The following NFYC variants were observed in gnomAD, a reference collection of about 807,000 sequenced individuals.
NFYC encodes CAAT box DNA-binding protein subunit C.
NFYC carries 25 observed loss-of-function variants against 53.1 expected under a neutral mutation model. That is an observed-to-expected ratio of 0.47 (90% CI 0.34 to 0.66). NFYC has a LOEUF of 0.66. Among genes scored for constraint, NFYC ranks in the 30% least tolerant of loss-of-function variants. NFYC has a pLI of 0.01. For missense variants in NFYC, 260 were observed against 422.7 expected (o/e 0.62, Z 3.38); for synonymous variants, 145 against 152.6 (o/e 0.95, Z 0.37).
At chr1:40,724,004 T>G (rs1216783611) in intron 1 of NFYC, among the ~76,000 whole-genome samples, 2 of 152,132 alleles carry the variant, frequency 1.3e-5, no homozygotes, top group African/African-American at 4.8e-5. Context: ...GGGCCAGATA[T>G]TTTAGGCTTT....
chr1:40,732,680 T>C (rs1344713451), intron 1 of NFYC, among the ~76,000 whole-genome samples: 1 of 152,218 alleles, frequency 6.6e-6, no homozygotes, highest in Non-Finnish European at 1.5e-5. Context: ...TTTCAGACTT[T>C]GCTAATCTAT....
At chr1:40,731,116 G>T (rs1644750131) in intron 1 of NFYC, among the ~76,000 whole-genome samples, 2 of 152,110 alleles carry the variant, frequency 1.3e-5, no homozygotes, top group South Asian at 4.1e-4. Context: ...CTTGTGCCCT[G>T]AACTGTTGGG....
intron 1 of NFYC, among the ~76,000 whole-genome samples, chr1:40,736,820 C>CAAAAAAAAAAAAAAAAAA (rs71060396): frequency 1.6e-5 from 1 of 63,670 alleles, no homozygotes; most frequent in Admixed American, 2.1e-4. Flanking sequence ...AAACTTATTC[C>CAAAAAAAAAAAAAAAAAA]AAAAAAAAAA....
At chr1:40,741,983 A>G (rs1261925118) in intron 2 of NFYC, among the ~76,000 whole-genome samples, 1 of 152,070 alleles carries the variant, frequency 6.6e-6, no homozygotes, top group Non-Finnish European at 1.5e-5. Context: ...AGCTCACTGT[A>G]GCCTTGAACT....
At chr1:40,750,935 A>G (rs934941900) in intron 4 of NFYC, among the ~76,000 whole-genome samples, 28 of 152,322 alleles carry the variant, frequency 1.8e-4, no homozygotes, top group African/African-American at 6.3e-4. Flanking sequence ...TGAAACTCAT[A>G]TATTGCTGGT....
intron 8 of NFYC, chr1:40,767,185 T>C (rs771141528): frequency 1.2e-4 from 65 of 548,826 alleles, no homozygotes; most frequent in Non-Finnish European, 2.0e-4. Context: ...TTGATGGCTA[T>C]GAGTCACAGA....
At position 40,691,706 on chromosome 1, in the gene NFYC, A is replaced by C; in HGVS notation, c.-170A>C. 2.2e-6 allele frequency: 1 copy of C among 453,828 alleles called. No individual in the cohort carries two copies. The highest frequency in any genetic ancestry group is 4.4e-6 in the Non-Finnish European group (1 of 225,724). The allele number at this position is 453,828 out of a possible 1,614,324, so 28.1% of individuals were successfully genotyped here. A position where few individuals can be genotyped will look rare whatever the true frequency, so the allele number is the denominator to read the frequency against. On this transcript the variant is annotated 5_prime_UTR_variant, in exon 1 of 10. Transcript: ENST00000447388. ...GGGAAGGGAAAAGGGGAAACGGTGC[A>C]AACGGCGTGGCCGCCATCTTGCTTG...
chr1:40,730,417 C>T (rs943039821), intron 1 of NFYC: 6 of 195,526 alleles, frequency 3.1e-5, no homozygotes, highest in Non-Finnish European at 4.6e-5. Flanking sequence ...TATTAAGTGG[C>T]GTAATTTCAG....
chr1:40,755,804 A>T (rs1016226553), intron 5 of NFYC, among the ~76,000 whole-genome samples: 3 of 152,226 alleles, frequency 2.0e-5, no homozygotes, highest in Admixed American at 1.3e-4. Context: ...AAGAGGATGT[A>T]GTAAGCAGCA....
chr1:40,700,047 T>C (rs1217915776), intron 1 of NFYC, among the ~76,000 whole-genome samples: 1 of 152,166 alleles, frequency 6.6e-6, no homozygotes, highest in Non-Finnish European at 1.5e-5. Flanking sequence ...TGGAGCCCAG[T>C]TGAGCAGTTC....
At chr1:40,720,132 TG>T (rs1191321948) in intron 1 of NFYC, among the ~76,000 whole-genome samples, 16 of 152,220 alleles carry the variant, frequency 1.1e-4, no homozygotes, top group African/African-American at 3.9e-4. Flanking sequence ...TCTCATTTCA[TG>T]TCGTTTTCCT....
At chr1:40,693,157 A>G (rs1318444604) in intron 1 of NFYC, among the ~76,000 whole-genome samples, 1 of 152,180 alleles carries the variant, frequency 6.6e-6, no homozygotes, top group Non-Finnish European at 1.5e-5. Flanking sequence ...TGTTTTTTCA[A>G]ATAAGCAGCT....
chr1:40,754,843 CA>C (rs937234790), intron 5 of NFYC, among the ~76,000 whole-genome samples: 2 of 152,128 alleles, frequency 1.3e-5, no homozygotes, highest in Admixed American at 6.5e-5. Flanking sequence ...CCATCTTAGC[CA>C]GACTCAAAAT....
chr1:40,716,077 C>A (rs185914883), intron 1 of NFYC, among the ~76,000 whole-genome samples: 3 of 152,212 alleles, frequency 2.0e-5, no homozygotes, highest in African/African-American at 7.2e-5. Flanking sequence ...ATAGTTCTTA[C>A]TTTCAAGGAA....
At chr1:40,712,859 A>T (rs981939275) in intron 1 of NFYC, 2 of 150,766 alleles carry the variant, frequency 1.3e-5, no homozygotes, top group South Asian at 2.1e-4. Flanking sequence ...TTTTTTATTT[A>T]TTTATTTTTA....
At position 40,714,984 on chromosome 1, in the gene NFYC, G is replaced by A. The variant is rs1427225953; in HGVS notation, c.-9+23117G>A. ...AGTCCCAGCTACTCGGCAGGCTGAG[G>A]CAGGAGAATGGCATGAATCCGGGAG... is the stretch of plus-strand genomic sequence containing the variant. On this transcript the variant is annotated intron_variant, in intron 1 of 9. Coordinates refer to ENST00000447388, the MANE Select transcript of NFYC (RefSeq NM_014223.5). 3.9e-5 allele frequency among the ~76,000 whole-genome samples: 6 copies of A among 152,218 alleles called. No individual in the cohort carries two copies. In the South Asian group the frequency reaches 1.0e-3, roughly 26 times the overall value.
intron 1 of NFYC, among the ~76,000 whole-genome samples, chr1:40,736,821 A>C (rs1237270983): frequency 4.5e-5 from 1 of 22,374 alleles, no homozygotes; most frequent in Non-Finnish European, 1.1e-4. Context: ...AACTTATTCC[A>C]AAAAAAAAAA....
intron 1 of NFYC, among the ~76,000 whole-genome samples, chr1:40,729,547 A>G (rs1644669241): frequency 6.6e-6 from 1 of 152,018 alleles, no homozygotes; most frequent in African/African-American, 2.4e-5. Flanking sequence ...TATCAGCAAT[A>G]AAGCTGTTTG....
intron 1 of NFYC, among the ~76,000 whole-genome samples, chr1:40,728,496 C>T (rs1481270815): frequency 6.6e-6 from 1 of 151,766 alleles, no homozygotes; most frequent in Admixed American, 6.5e-5. Flanking sequence ...ACTCGGGAGG[C>T]TGGGCATGAG....
Sources: gnomAD v4.1 joint callset for allele counts (sites outside exome capture counted in the v4.1 genomes callset) on GRCh38, gnomAD v4.1.1 for gene constraint, MANE v1.5 for transcripts, NCBI Gene and HGNC (gene_info 2026-07-23, HGNC 2026-07-21) for gene names.